Variants in CASK observed in about 807,000 individuals in gnomAD.
CASK encodes the protein peripheral plasma membrane protein CASK.
In CASK, 4 loss-of-function variants were observed where a neutral mutation model predicts 82.9. That is an observed-to-expected ratio of 0.05 (90% confidence interval 0.02 to 0.11). The LOEUF (loss-of-function observed/expected upper bound fraction) is 0.11. Ranked by LOEUF, CASK falls within the 10% of genes least tolerant of loss-of-function variation. The pLI, the probability that CASK is intolerant of heterozygous loss-of-function variation, is 1.00. For synonymous variants in CASK, 259 were observed against 253.5 expected (o/e 1.02, Z -0.20); for missense variants, 358 against 720.9 (o/e 0.50, Z 5.76).
intron 5 of CASK, among the ~76,000 whole-genome samples, chrX:41,688,722 A>C (rs1277835997): frequency 1.8e-5 from 2 of 111,509 alleles, no homozygotes; most frequent in Non-Finnish European, 3.8e-5. Context: ...AGAATTTATA[A>C]AACTTTTAAA....
chrX:41,613,036 T>C (rs1382876146), intron 11 of CASK, among the ~76,000 whole-genome samples: 2,072 of 86,602 alleles, frequency 0.024, 56 homozygotes, highest in African/African-American at 0.084. Flanking sequence ...CCTGGCCAGC[T>C]GCCCCGTCTG....
At position 41,787,006 on chromosome X, in the gene CASK, C is replaced by T. The variant is rs1569448745; in HGVS notation, c.278+172G>A. On this transcript the variant is annotated intron_variant, in intron 3 of 26. Transcript: ENST00000378163. ...AACTGAATATGCCCAGCTTTTGCTTCCTTTGCCACTGTAAACCTTATGATG... is the reference window on the plus strand; with the variant it reads ...AACTGAATATGCCCAGCTTTTGCTTTCTTTGCCACTGTAAACCTTATGATG... 1.6e-5 allele frequency: 7 copies of T among 444,192 alleles called. No homozygotes were observed. In the East Asian group the frequency reaches 2.8e-4, roughly 18 times the overall value. The allele number at this position is 444,192 out of a possible 1,213,427, so 36.6% of individuals were successfully genotyped here.
intron 12 of CASK, among the ~76,000 whole-genome samples, chrX:41,604,127 G>C (rs1158107690): frequency 1.9e-5 from 2 of 107,946 alleles, no homozygotes; most frequent in Non-Finnish European, 3.8e-5. Context: ...TGGATGACAG[G>C]GTAACATTTC....
intron 4 of CASK, chrX:41,743,761 G>T: frequency 3.4e-6 from 1 of 296,538 alleles, no homozygotes; most frequent in South Asian, 2.0e-4. Context: ...GAAATGGTAA[G>T]ACAGAGGAAA....
At chrX:41,917,207 C>T (rs757250468) in intron 1 of CASK, among the ~76,000 whole-genome samples, 1 of 111,914 alleles carries the variant, frequency 8.9e-6, no homozygotes, top group South Asian at 3.7e-4. Flanking sequence ...ACCATGGAAC[C>T]GCGTTGGAAT....
intron 26 of CASK, among the ~76,000 whole-genome samples, chrX:41,522,621 C>T (rs747507854): frequency 2.7e-5 from 3 of 112,146 alleles, no homozygotes; most frequent in South Asian, 3.7e-4. Flanking sequence ...CTCTGGCACA[C>T]GGGATTCTAT....
chrX:41,761,417 C>G (rs1432323667), intron 3 of CASK, among the ~76,000 whole-genome samples: 1 of 111,670 alleles, frequency 9.0e-6, no homozygotes. Flanking sequence ...TCACCTTGAA[C>G]AAACACACTG....
rs1435384827 is a variant in CASK at position 41,852,896 on chromosome X, T to A, written c.172+219A>T. Among the ~76,000 whole-genome samples the A allele has an allele frequency of 4.5e-5, 5 of 110,951 alleles. No homozygotes were observed. The East Asian group carries it at 1.4e-3, about 31-fold the overall frequency. On this transcript the variant is annotated intron_variant, in intron 2 of 26. Coordinates refer to ENST00000378163, the MANE Select transcript of CASK (RefSeq NM_001367721.1). ...GTCAAAAAACATAGGCCCATAGAAATCCTAGATGATTTTATAACTCTGTAA... is the reference window on the plus strand; with the variant it reads ...GTCAAAAAACATAGGCCCATAGAAAACCTAGATGATTTTATAACTCTGTAA...
intron 8 of CASK, among the ~76,000 whole-genome samples, chrX:41,638,081 C>G (rs1290451929): frequency 8.9e-6 from 1 of 112,227 alleles, no homozygotes; most frequent in Non-Finnish European, 1.9e-5. Context: ...GATTATATGC[C>G]AGGCATTGTC....
chrX:41,566,618 C>T (rs745863709), intron 16 of CASK, among the ~76,000 whole-genome samples: 1 of 111,951 alleles, frequency 8.9e-6, no homozygotes, highest in East Asian at 2.8e-4. Flanking sequence ...ATTCCATGCT[C>T]ATGGATAGGA....
intron 3 of CASK, among the ~76,000 whole-genome samples, chrX:41,784,012 G>T (rs1027941160): frequency 1.8e-5 from 2 of 112,043 alleles, no homozygotes; most frequent in African/African-American, 6.5e-5. Flanking sequence ...GGGTATCTCT[G>T]GGAATACCCA....
At chrX:41,751,462 C>T (rs1474774057) in intron 3 of CASK, among the ~76,000 whole-genome samples, 2 of 108,819 alleles carry the variant, frequency 1.8e-5, no homozygotes, top group Admixed American at 2.0e-4. Flanking sequence ...GTCCTGAGAA[C>T]AGAGAAAGGA....
intron 19 of CASK, 94 bp downstream of exon 19, chrX:41,556,938 A>T (rs2065166488): frequency 1.5e-6 from 1 of 660,714 alleles, no homozygotes; most frequent in Non-Finnish European, 2.5e-6. Flanking sequence ...AGCAGAAGAC[A>T]CTATTTCCAC....
chrX:41,678,100 A>T (rs2067298113), intron 5 of CASK, among the ~76,000 whole-genome samples: 1 of 112,300 alleles, frequency 8.9e-6, no homozygotes, highest in Non-Finnish European at 1.9e-5. Flanking sequence ...ATCATCTAAT[A>T]CTCAGTCCAC....
chrX:41,849,490 A>C (rs1490318803), intron 2 of CASK, among the ~76,000 whole-genome samples: 2 of 112,065 alleles, frequency 1.8e-5, no homozygotes, highest in African/African-American at 3.2e-5. Context: ...GTTTTGATTT[A>C]GTAGAAACTT....
chrX:41,901,314 C>T (rs1202793723), intron 1 of CASK, among the ~76,000 whole-genome samples: 1 of 110,364 alleles, frequency 9.1e-6, no homozygotes, highest in African/African-American at 3.3e-5. Context: ...ACAAAAAATA[C>T]AAATATTAGC....
At chrX:41,890,436 T>C (rs1398241017) in intron 1 of CASK, among the ~76,000 whole-genome samples, 1 of 111,304 alleles carries the variant, frequency 9.0e-6, no homozygotes, top group African/African-American at 3.3e-5. Context: ...AACAGCACAT[T>C]ATTTGAAGGT....
chrX:41,695,731 C>T (rs1318520004), intron 5 of CASK: 16 of 1,205,030 alleles, frequency 1.3e-5, no homozygotes, highest in African/African-American at 1.8e-5. Flanking sequence ...AGCGACCAAC[C>T]GCCACAAAAC....
intron 13 of CASK, chrX:41,588,489 C>A (rs913391909): frequency 9.0e-6 from 1 of 110,787 alleles, no homozygotes; most frequent in Non-Finnish European, 1.9e-5. Context: ...CTTCTATGAG[C>A]CCTTGGTGGT....
Sources: gnomAD v4.1 joint callset for allele counts (sites outside exome capture counted in the v4.1 genomes callset) on GRCh38, gnomAD v4.1.1 for gene constraint, MANE v1.5 for transcripts, NCBI Gene and HGNC (gene_info 2026-07-23, HGNC 2026-07-21) for gene names.